The following RFTN1 variants were observed in gnomAD, a reference collection of about 807,000 sequenced individuals.
RFTN1 encodes raftlin.
Under a neutral mutation model 46.5 loss-of-function variants are expected in RFTN1, and 26 were observed. The ratio of observed to expected loss-of-function variants is 0.56; its 90% CI spans 0.41 to 0.78. RFTN1 has a LOEUF of 0.78. RFTN1 is among the 30% of genes least tolerant of loss of function. RFTN1 has a pLI of 0.00. For synonymous variants in RFTN1, 261 were observed against 284.2 expected (o/e 0.92, Z 0.82); for missense variants, 693 against 718.7 (o/e 0.96, Z 0.41).
chr3:16,461,519 C>T (rs188790967), intron 2 of RFTN1, among the ~76,000 whole-genome samples: 3 of 152,322 alleles, frequency 2.0e-5, no homozygotes, highest in Admixed American at 2.0e-4. Flanking sequence ...ATTGAACACA[C>T]TATCACACTA....
rs747954025 is a variant in RFTN1, at chr3:16,321,160, C to T, written c.1332+2216G>A. ...ATAGGGTGGCGGTTGGCCAGGTGGG[C>T]GAGGTATGGGGAGGGGGACAGTCAT... On this transcript the variant is annotated intron_variant, in intron 9 of 9. Transcript: ENST00000334133. The surrounding 1 kb of genome is among the most constrained non-coding windows in gnomAD (Gnocchi z 4.8). Among the ~76,000 whole-genome samples, 27 of 151,698 alleles carry T rather than the reference C, an allele frequency of 1.8e-4. No individual in the cohort carries two copies. The highest frequency in any genetic ancestry group is 3.4e-4 in the Non-Finnish European group (23 of 67,894).
rs1349427977 is a variant in RFTN1 at position 16,317,678 on chromosome 3, C to G, written c.1333-446G>C. 6.6e-6 allele frequency among the ~76,000 whole-genome samples: 1 copy of G among 152,160 alleles called. No homozygotes were observed. The highest frequency in any genetic ancestry group is 2.4e-5 in the African/African-American group (1 of 41,442). ...GGGCTGGCATTCTCTCACTAGGTCA[C>G]CTGAGTAAGGCAGGGCCCAGAACAT... On this transcript the variant is annotated intron_variant, in intron 9 of 9. Coordinates refer to ENST00000334133, the MANE Select transcript of RFTN1 (RefSeq NM_015150.2). This position sits in a 1 kb window ranked among gnomAD's most constrained non-coding sequence, Gnocchi z 4.3.
chr3:16,405,198 A>C lies in RFTN1; in HGVS notation c.441+4177T>G, dbSNP rs563754115. On this transcript the variant is annotated intron_variant, in intron 4 of 9. Transcript: ENST00000334133. ...CGGACCTGCCAGCCACACAGTCTCC[A>C]GGTGCACCTGATGGGCTGGTTGAGC... 2.0e-5 allele frequency among the ~76,000 whole-genome samples: 3 copies of C among 152,262 alleles called. No individual in the cohort carries two copies. The South Asian group carries it at 6.2e-4, about 32-fold the overall frequency.
intron 5 of RFTN1, among the ~76,000 whole-genome samples, chr3:16,371,702 C>G (rs1423658034): frequency 2.0e-5 from 3 of 152,286 alleles, no homozygotes; most frequent in Non-Finnish European, 2.9e-5. Context: ...AAGGAAGGTG[C>G]CCGTCTTTGG....
In RFTN1 at chr3:16,345,834, GCACGCGCACA is replaced by G. The variant is rs1286383582; in HGVS notation, c.1146+12088_1146+12097del. On this transcript the variant is annotated intron_variant, in intron 7 of 9. Coordinates refer to ENST00000334133, the MANE Select transcript of RFTN1 (RefSeq NM_015150.2). The surrounding 1 kb of genome is among the most constrained non-coding windows in gnomAD (Gnocchi z 5.2). ...TGTGTGTGTGCGCGCGCGCGTGCGC[GCACGCGCACA>G]TGTGCATGTGTATGTGTATAATCTC... Among the ~76,000 whole-genome samples the G allele has an allele frequency of 0.049, 3,205 of 65,036 alleles. 78 individuals carry two copies. The highest frequency in any genetic ancestry group is 0.092 in the Middle Eastern group (11 of 120). The allele number at this position is 65,036 out of a possible 152,430, so 42.7% of individuals were successfully genotyped here. A position where few individuals can be genotyped will look rare whatever the true frequency, so the allele number is the denominator to read the frequency against.
chr3:16,425,486 T>C lies in RFTN1; in HGVS notation c.332+8365A>G, dbSNP rs1004599179. 5.3e-5 allele frequency among the ~76,000 whole-genome samples: 8 copies of C among 151,970 alleles called. No homozygotes were observed. In the East Asian group the frequency reaches 7.7e-4, roughly 15 times the overall value. On this transcript the variant is annotated intron_variant, in intron 3 of 9. Coordinates refer to ENST00000334133, the MANE Select transcript of RFTN1 (RefSeq NM_015150.2). The surrounding 1 kb of genome is among the most constrained non-coding windows in gnomAD (Gnocchi z 4.3). Reference sequence around the variant, plus strand: ...TCAGAAGAAACAAACAAACAAAAAATAAATAAAATGTGAGGAAAGACACAG... The same window carrying C: ...TCAGAAGAAACAAACAAACAAAAAACAAATAAAATGTGAGGAAAGACACAG...
At position 16,402,065 on chromosome 3, in the gene RFTN1, T is replaced by C. The variant is rs2074618072; in HGVS notation, c.441+7310A>G. ...CTGGAATGTTCCCTGAGTGTCCCCC[T>C]GACCCCTCAAGTCTTCATACAACCA... is the stretch of plus-strand genomic sequence containing the variant. On this transcript the variant is annotated intron_variant, in intron 4 of 9. Transcript: ENST00000334133. The surrounding 1 kb of genome is among the most constrained non-coding windows in gnomAD (Gnocchi z 4.5). 6.6e-6 allele frequency among the ~76,000 whole-genome samples: 1 copy of C among 152,196 alleles called. No individual in the cohort carries two copies. Among genetic ancestry groups the C allele is most frequent in the African/African-American group, 2.4e-5 (1 of 41,456 alleles).
rs562917724 is a variant in RFTN1 at position 16,329,006 on chromosome 3, A to G, written c.1147-2130T>C. On this transcript the variant is annotated intron_variant, in intron 7 of 9. Transcript: ENST00000334133. This position sits in a 1 kb window ranked among gnomAD's most constrained non-coding sequence, Gnocchi z 4.5. Reference sequence around the variant, plus strand: ...TGAATGTATCCCCCAAAAAGTTTCCATGTGTTGAAAACTTAATCCCCAATG... The same window carrying G: ...TGAATGTATCCCCCAAAAAGTTTCCGTGTGTTGAAAACTTAATCCCCAATG... Among the ~76,000 whole-genome samples the G allele has an allele frequency of 4.8e-4, 73 of 152,370 alleles. No homozygotes were observed. Among genetic ancestry groups the G allele is most frequent in the Non-Finnish European group, 1.0e-3 (68 of 68,032 alleles).
intron 2 of RFTN1, among the ~76,000 whole-genome samples, chr3:16,470,489 A>G (rs898806233): frequency 1.3e-5 from 2 of 152,218 alleles, no homozygotes; most frequent in Non-Finnish European, 2.9e-5. Context: ...AAGACAGAAC[A>G]CAGGGCTACT....
At position 16,376,587 on chromosome 3, in the gene RFTN1, A is replaced by G. The variant is rs1247014564; in HGVS notation, c.826+1131T>C. On this transcript the variant is annotated intron_variant, in intron 5 of 9. Coordinates refer to ENST00000334133, the MANE Select transcript of RFTN1 (RefSeq NM_015150.2). This position sits in a 1 kb window ranked among gnomAD's most constrained non-coding sequence, Gnocchi z 4.7. ...GCTTAAATGCATGCTCAGCTACTTC[A>G]TGAGGGCAGCAGGCATGTGCCTCAA... Among the ~76,000 whole-genome samples, 1 of 152,192 alleles carries G rather than the reference A, an allele frequency of 6.6e-6. No homozygotes were observed. The highest frequency in any genetic ancestry group is 1.9e-4 in the East Asian group (1 of 5,198).
chr3:16,464,536 G>A (rs1436795845), intron 2 of RFTN1, among the ~76,000 whole-genome samples: 1 of 152,150 alleles, frequency 6.6e-6, no homozygotes, highest in African/African-American at 2.4e-5. Flanking sequence ...TTTTCAAAGT[G>A]TTTTCATTGT....
intron 2 of RFTN1, among the ~76,000 whole-genome samples, chr3:16,486,339 T>G (rs1236457177): frequency 1.3e-5 from 2 of 151,432 alleles, no homozygotes; most frequent in African/African-American, 4.9e-5. Flanking sequence ...CTGCACCCCC[T>G]CCATCTTAAA....
intron 6 of RFTN1, 80 bp downstream of exon 6, chr3:16,369,996 T>C: frequency 7.6e-7 from 1 of 1,314,832 alleles, no homozygotes; most frequent in South Asian, 1.2e-5. Context: ...TGAAGCAGAC[T>C]CTGAAGAGGG....
chr3:16,425,834 A>T lies in RFTN1; in HGVS notation c.332+8017T>A, dbSNP rs1444511487. On this transcript the variant is annotated intron_variant, in intron 3 of 9. Transcript: ENST00000334133. This position sits in a 1 kb window ranked among gnomAD's most constrained non-coding sequence, Gnocchi z 4.3. The stretch of plus-strand genomic sequence containing the variant: ...GGAATAAATTAAGGTAGTCTTGGTG[A>T]TGCTGGACAGCTCCTCAGGGGGTAC... Among the ~76,000 whole-genome samples the T allele has an allele frequency of 1.3e-5, 2 of 152,186 alleles. No homozygotes were observed. Among genetic ancestry groups the T allele is most frequent in the East Asian group, 1.9e-4 (1 of 5,204 alleles).
At position 16,425,685 on chromosome 3, in the gene RFTN1, A is replaced by C. The variant is rs1356583745; in HGVS notation, c.332+8166T>G. On this transcript the variant is annotated intron_variant, in intron 3 of 9. Transcript: ENST00000334133. This position sits in a 1 kb window ranked among gnomAD's most constrained non-coding sequence, Gnocchi z 4.3. ...TGGATTGGAAAAAATTCTTTCCCCCAAGAGAAGGTGGCTTTACGCTGGCAT... is the reference window on the plus strand; with the variant it reads ...TGGATTGGAAAAAATTCTTTCCCCCCAGAGAAGGTGGCTTTACGCTGGCAT... Among the ~76,000 whole-genome samples, 1 of 152,132 alleles carries C rather than the reference A, an allele frequency of 6.6e-6. No individual in the cohort carries two copies. The highest frequency in any genetic ancestry group is 1.5e-5 in the Non-Finnish European group (1 of 68,040).
chr3:16,479,500 C>T lies in RFTN1; in HGVS notation c.145+14225G>A, dbSNP rs925069359. Among the ~76,000 whole-genome samples the T allele has an allele frequency of 6.6e-6, 1 of 152,208 alleles. No individual in the cohort carries two copies. The highest frequency in any genetic ancestry group is 6.5e-5 in the Admixed American group (1 of 15,284). On this transcript the variant is annotated intron_variant, in intron 2 of 9. Transcript: ENST00000334133. The surrounding 1 kb of genome is among the most constrained non-coding windows in gnomAD (Gnocchi z 5.1). The stretch of plus-strand genomic sequence containing the variant: ...CCAGAAAAACCTCAACATCCTTCTC[C>T]CCATTCCTTGCACACCTTTACAGCA...
rs2076335731 is a variant in RFTN1, at chr3:16,479,744, T to C, written c.145+13981A>G. On this transcript the variant is annotated intron_variant, in intron 2 of 9. Transcript: ENST00000334133. The surrounding 1 kb of genome is among the most constrained non-coding windows in gnomAD (Gnocchi z 5.1). The stretch of plus-strand genomic sequence containing the variant: ...CCCCAGGAAGCTCGTTTGATTGAGG[T>C]ACCTTTTCCAAGCTGCAGTTTGGTT... Among the ~76,000 whole-genome samples, 1 of 152,298 alleles carries C rather than the reference T, an allele frequency of 6.6e-6. No individual in the cohort carries two copies. Among genetic ancestry groups the C allele is most frequent in the African/African-American group, 2.4e-5 (1 of 41,556 alleles).
At chr3:16,375,484 A>G (rs1432939962) in intron 5 of RFTN1, among the ~76,000 whole-genome samples, 1 of 152,104 alleles carries the variant, frequency 6.6e-6, no homozygotes, top group Non-Finnish European at 1.5e-5. Context: ...CAAGAAGGAC[A>G]CAGAATAGGG....
At chr3:16,419,167 C>A (rs1445819720) in intron 3 of RFTN1, among the ~76,000 whole-genome samples, 1 of 152,114 alleles carries the variant, frequency 6.6e-6, no homozygotes, top group African/African-American at 2.4e-5. Context: ...GTGCGGGTTG[C>A]CTGTAACTCA....
Sources: allele counts gnomAD v4.1 joint callset (sites outside exome capture counted in the v4.1 genomes callset), GRCh38; gene constraint gnomAD v4.1.1; non-coding constraint Gnocchi (gnomAD v3.1); transcripts MANE v1.5; gene names NCBI Gene and HGNC (gene_info 2026-07-23, HGNC 2026-07-21).